Variants in FRY observed in about 807,000 individuals in gnomAD.
FRY encodes FRY microtubule binding protein, also known as protein furry homolog.
FRY carries 128 observed loss-of-function variants against 348.4 expected under a neutral mutation model. That is an observed-to-expected ratio of 0.37 (90% CI 0.32 to 0.43). The LOEUF (loss-of-function observed/expected upper bound fraction) is 0.43, where lower values mean the gene tolerates loss of function less well. Among genes scored for constraint, FRY ranks in the 20% least tolerant of loss-of-function variants. The pLI, the probability that FRY is intolerant of heterozygous loss-of-function variation, is 1.00. For synonymous variants in FRY, 1,370 were observed against 1,374.7 expected, an observed-to-expected ratio of 1.00 and a Z score of 0.08; for missense variants, 2,736 against 3,695.2, an observed-to-expected ratio of 0.74 and a Z score of 6.73.
At chr13:32,061,187 T>C (rs1398022491) in intron 1 of FRY, 2 of 532,624 alleles carry the variant, frequency 3.8e-6, no homozygotes, top group Non-Finnish European at 7.7e-6. Context: ...GCTGTTAATA[T>C]GTGTGGAGTG....
intron 1 of FRY, among the ~76,000 whole-genome samples, chr13:32,053,721 TC>T (rs1873465509): frequency 6.6e-6 from 1 of 152,224 alleles, no homozygotes; most frequent in Non-Finnish European, 1.5e-5. Context: ...TTTTTAATCC[TC>T]AAAAATATAA....
chr13:32,237,958 A>G lies in FRY; in HGVS notation c.6390A>G (p.Ile2130Met). 6.2e-7 allele frequency: 1 copy of G among 1,613,846 alleles called. No homozygotes were observed. The highest frequency in any genetic ancestry group is 8.5e-7 in the Non-Finnish European group (1 of 1,179,912). The change falls in exon 44 of 61, where the codon ATA (isoleucine) becomes ATG (methionine). Residue 2130 changes from isoleucine to methionine, a missense_variant. Physicochemically the swap from Ile to Met is conservative, Grantham distance 10. Around this residue, in one of 9 missense-constraint regions of FRY, gnomAD observed 789 missense variants for 996.2 expected, o/e 0.79. Transcript: ENST00000542859. The surrounding 1 kb of genome is among the most constrained non-coding windows in gnomAD (Gnocchi z 6.3). ...GTCTGCTGACACCAGTGTCCAAAAT[A>G]TCCATGGTGGATGCATCCCACGCTA... ...LFSLLTPVSKISMVDASHAIG... is the reference protein window; with the variant it reads ...LFSLLTPVSKMSMVDASHAIG...
Position 32,216,170 on chromosome 13 carries a change from G to T in FRY, c.4683-2579G>T, listed in dbSNP as rs143101130. 1.8e-3 allele frequency among the ~76,000 whole-genome samples: 274 copies of T among 152,086 alleles called. 7 individuals carry two copies. In the South Asian group the frequency reaches 0.029, roughly 16 times the overall value. On this transcript the variant is annotated intron_variant, in intron 35 of 60. Coordinates refer to ENST00000542859, the MANE Select transcript of FRY (RefSeq NM_023037.3). ...GCTATTTTCATGAGGTATTTCTTAAGGTATGTACCTTTGATGTTAAAAGAC... is the reference window on the plus strand; with the variant it reads ...GCTATTTTCATGAGGTATTTCTTAATGTATGTACCTTTGATGTTAAAAGAC...
intron 3 of FRY, among the ~76,000 whole-genome samples, chr13:32,106,587 G>A (rs924675452): frequency 5.3e-5 from 8 of 152,130 alleles, no homozygotes; most frequent in Admixed American, 3.9e-4. Context: ...CAGCCAGAAG[G>A]AGAAATGGAA....
chr13:32,155,380 C>T (rs1461758153), intron 14 of FRY, 111 bp from the exon 15 acceptor site: 6 of 798,322 alleles, frequency 7.5e-6, no homozygotes, highest in Non-Finnish European at 1.3e-5. Flanking sequence ...AAATTATTTT[C>T]TCATACTCAT....
intron 3 of FRY, among the ~76,000 whole-genome samples, chr13:32,108,461 GA>G (rs1281453296): frequency 2.0e-5 from 3 of 152,172 alleles, no homozygotes; most frequent in Non-Finnish European, 4.4e-5. Flanking sequence ...AGTTGATGCA[GA>G]AGGCATGTAT....
At chr13:32,236,027 A>G (rs1433549578) in intron 42 of FRY, 51 bp from the exon 43 acceptor site, 8 of 1,190,186 alleles carry the variant, frequency 6.7e-6, no homozygotes, top group Non-Finnish European at 8.8e-6. Context: ...ATCTTAGGAA[A>G]TTAACAATGG....
At chr13:32,128,637 T>C (rs1879168752) in intron 7 of FRY, among the ~76,000 whole-genome samples, 1 of 152,268 alleles carries the variant, frequency 6.6e-6, no homozygotes, top group Non-Finnish European at 1.5e-5. Context: ...TTTGCCACTG[T>C]GGTCTTCCAA....
At chr13:32,130,295 C>T (rs1408152496) in intron 7 of FRY, among the ~76,000 whole-genome samples, 1 of 152,088 alleles carries the variant, frequency 6.6e-6, no homozygotes, top group Admixed American at 6.5e-5. Flanking sequence ...CCCACTTCGG[C>T]CTCCCAAAGT....
chr13:32,263,419 T>A (rs1887769324), intron 53 of FRY, among the ~76,000 whole-genome samples: 1 of 152,128 alleles, frequency 6.6e-6, no homozygotes, highest in Non-Finnish European at 1.5e-5. Flanking sequence ...CAAATTACAA[T>A]TACCTAAAAA....
At chr13:32,217,345 C>T (rs144408716) in intron 35 of FRY, among the ~76,000 whole-genome samples, 80 of 152,134 alleles carry the variant, frequency 5.3e-4, no homozygotes, top group Middle Eastern at 6.8e-3. Flanking sequence ...GCCCCTGAAC[C>T]ACACCCTTGC....
intron 3 of FRY, among the ~76,000 whole-genome samples, chr13:32,114,717 A>G (rs368977565): frequency 5.9e-5 from 9 of 152,270 alleles, no homozygotes; most frequent in South Asian, 2.1e-4. Context: ...TTTTTCTTCA[A>G]TGGGAGGAAT....
chr13:32,244,561 G>A (rs139904661), intron 47 of FRY, among the ~76,000 whole-genome samples: 5 of 152,292 alleles, frequency 3.3e-5, no homozygotes, highest in African/African-American at 4.8e-5. Context: ...TTCTAGGCCC[G>A]GTGTTTCAAC....
intron 31 of FRY, among the ~76,000 whole-genome samples, chr13:32,208,129 T>C (rs939196081): frequency 6.6e-6 from 1 of 152,224 alleles, no homozygotes; most frequent in African/African-American, 2.4e-5. Flanking sequence ...GACTCACGTG[T>C]CTCACAGGGG....
chr13:32,278,392 T>G, intron 57 of FRY, 73 bp from the exon 58 acceptor site: 1 of 838,980 alleles, frequency 1.2e-6, no homozygotes, highest in Non-Finnish European at 2.1e-6. Context: ...AATTTTTTCC[T>G]AATGGAATTA....
chr13:32,248,971 T>TC (rs1290794980), intron 48 of FRY, among the ~76,000 whole-genome samples: 1 of 152,188 alleles, frequency 6.6e-6, no homozygotes, highest in Non-Finnish European at 1.5e-5. Flanking sequence ...GGAGGCCTGC[T>TC]CGGAGCTTGA....
chr13:32,209,551 C>T (rs1884560705), intron 32 of FRY, 34 bp from the exon 33 acceptor site: 1 of 1,611,450 alleles, frequency 6.2e-7, no homozygotes, highest in African/African-American at 1.3e-5. Context: ...ACAGTTTTCA[C>T]ACATCTCTTG....
intron 4 of FRY, among the ~76,000 whole-genome samples, chr13:32,122,018 C>T (rs1204323222): frequency 2.0e-5 from 3 of 152,126 alleles, no homozygotes; most frequent in Non-Finnish European, 4.4e-5. Context: ...TATCCCAGCA[C>T]CATTTGTTGA....
intron 39 of FRY, among the ~76,000 whole-genome samples, chr13:32,228,048 C>T (rs1885691242): frequency 6.6e-6 from 1 of 152,210 alleles, no homozygotes; most frequent in African/African-American, 2.4e-5. Context: ...CCGCGCCCAG[C>T]CCGTTTCACA....
Sources: allele counts gnomAD v4.1 joint callset (sites outside exome capture counted in the v4.1 genomes callset), GRCh38; gene constraint gnomAD v4.1.1; regional missense constraint gnomAD v4.1.1; non-coding constraint Gnocchi (gnomAD v3.1); transcripts MANE v1.5; gene names NCBI Gene and HGNC (gene_info 2026-07-23, HGNC 2026-07-21).